Variants in SNED1 observed in about 807,000 individuals in gnomAD.
SNED1 encodes sushi, nidogen and EGF-like domain-containing protein 1.
In SNED1, 81 loss-of-function variants were observed where a neutral mutation model predicts 166.7. That is an observed-to-expected ratio of 0.49 (90% CI 0.41 to 0.58). The LOEUF is 0.58. SNED1 is among the 20% of genes least tolerant of loss of function. SNED1 has a pLI of 0.00. For synonymous variants in SNED1, 762 were observed against 822.0 expected (o/e 0.93, Z 1.25); for missense variants, 1,604 against 2,000.2 (o/e 0.80, Z 3.78).
Position 241,006,980 on chromosome 2 carries a change from G to A in SNED1, c.213+7930G>A, listed in dbSNP as rs79378001. The stretch of plus-strand genomic sequence containing the variant: ...CCCACTGGCAGTGTTTGGGACAATT[G>A]GAGCATTAAAACAAATAATGATAGG... On this transcript the variant is annotated intron_variant, in intron 1 of 31. Transcript: ENST00000310397. Among the ~76,000 whole-genome samples the A allele has an allele frequency of 1.2e-3, 180 of 152,270 alleles. 3 individuals carry two copies. In the East Asian group the frequency reaches 0.033, roughly 28 times the overall value.
chr2:241,049,045 A>G lies in SNED1; in HGVS notation c.1528A>G (p.Met510Val), dbSNP rs755275102. The G allele has an allele frequency of 3.1e-6, 5 of 1,613,384 alleles. No individual in the cohort carries two copies. The highest frequency in any genetic ancestry group is 1.7e-5 in the Admixed American group (1 of 59,950). Residue 510 changes from methionine to valine, a missense_variant, in exon 11 of 32, where the codon ATG becomes GTG. Physicochemically the swap from Met to Val is conservative, Grantham distance 21 (BLOSUM62 1). Coordinates refer to ENST00000310397, the MANE Select transcript of SNED1 (RefSeq NM_001080437.3). ...AGAAATCACAGCCATGCCCTGCAAC[A>G]TGAACACACAGTGCCCAGATGGGGG... ...EFEITAMPCN[M>V]NTQCPDGGYC...
rs767733347 is a variant in SNED1, at chr2:241,071,683, G to A, written c.3697G>A (p.Asp1233Asn). The change falls in exon 25 of 32, where the codon GAC becomes AAC. Residue 1233 changes from aspartate (D) to asparagine (N), a missense_variant. Physicochemically the swap from Asp to Asn is conservative, Grantham distance 23. Transcript: ENST00000310397. ...ARLPELRLLN[D>N]HSAPETPTQP... ...CCTGCCGGAGCTGCGCCTGCTCAATGACCACAGCGCCCCCGAGACCCCCAC... is the reference window on the plus strand; with the variant it reads ...CCTGCCGGAGCTGCGCCTGCTCAATAACCACAGCGCCCCCGAGACCCCCAC... 24 of 1,547,702 alleles carry A rather than the reference G, an allele frequency of 1.6e-5. No individual in the cohort carries two copies. Among genetic ancestry groups the A allele is most frequent in the Non-Finnish European group, 2.1e-5 (24 of 1,151,234 alleles).
intron 1 of SNED1, among the ~76,000 whole-genome samples, chr2:241,009,819 G>C (rs573774821): frequency 7.9e-6 from 1 of 125,858 alleles, no homozygotes; most frequent in Admixed American, 7.1e-5. Context: ...CCCCGGAGGC[G>C]TCCCATGTGT....
chr2:241,022,816 T>G (rs1299159572), intron 1 of SNED1, among the ~76,000 whole-genome samples: 1 of 152,216 alleles, frequency 6.6e-6, no homozygotes, highest in East Asian at 1.9e-4. Context: ...TCAAGAAAAT[T>G]TTCTATTTTA....
Position 241,037,257 on chromosome 2 carries a change from T to G in SNED1, c.949T>G (p.Ser317Ala). 1.2e-6 allele frequency: 2 copies of G among 1,610,572 alleles called. No homozygotes were observed. The highest frequency in any genetic ancestry group is 1.7e-6 in the Non-Finnish European group (2 of 1,178,760). The change falls in exon 6 of 32, where the codon TCC becomes GCC. Residue 317 changes from serine to alanine, a missense_variant. Physicochemically the swap from Ser to Ala is moderately conservative, Grantham distance 99 (BLOSUM62 1). Coordinates refer to ENST00000310397, the MANE Select transcript of SNED1 (RefSeq NM_001080437.3). ...RCHLDVNECASQPCQNGGTCT... is the reference protein window; with the variant it reads ...RCHLDVNECAAQPCQNGGTCT... ...TGTTTCAGACGTGAACGAATGTGCC[T>G]CCCAGCCCTGTCAGAATGGTGGGAC...
At chr2:241,076,735 G>C (rs1488443140) in intron 27 of SNED1, among the ~76,000 whole-genome samples, 1 of 151,848 alleles carries the variant, frequency 6.6e-6, no homozygotes, top group Non-Finnish European at 1.5e-5. Context: ...TTAGATCAGT[G>C]GAAAAGAACT....
intron 1 of SNED1, chr2:241,010,754 G>A (rs2060366703): frequency 6.6e-6 from 1 of 152,486 alleles, no homozygotes; most frequent in African/African-American, 2.4e-5. Flanking sequence ...GGCGGCCTGT[G>A]TGTGAGCCCC....
chr2:241,065,176 C>T (rs2062387432), intron 20 of SNED1, 123 bp from the exon 21 acceptor site: 1 of 1,034,296 alleles, frequency 9.7e-7, no homozygotes. Flanking sequence ...CAAAGAAGGA[C>T]TCTGCCAGCG....
chr2:241,037,338 C>T lies in SNED1; in HGVS notation c.1030C>T (p.Pro344Ser), dbSNP rs767242172. 29 of 1,607,650 alleles carry T rather than the reference C, an allele frequency of 1.8e-5. No individual in the cohort carries two copies. The highest frequency in any genetic ancestry group is 3.4e-5 in the Admixed American group (2 of 59,434). The change falls in exon 6 of 32, where the codon CCC (proline) becomes TCC (serine). Residue 344 changes from proline to serine, a missense_variant. Coordinates refer to ENST00000310397, the MANE Select transcript of SNED1 (RefSeq NM_001080437.3). ...CCAGTGCCCGGCTGGCTTTGGGGGA[C>T]CCACCTGTGAGACAGGTAAGAGGAA... ...RCQCPAGFGG[P>S]TCETAQSPCD...
At chr2:241,049,579 C>A (rs2061765471) in intron 11 of SNED1, among the ~76,000 whole-genome samples, 1 of 152,168 alleles carries the variant, frequency 6.6e-6, no homozygotes, top group South Asian at 2.1e-4. Context: ...ACAGCTCAGT[C>A]CTGCCTCGTA....
Position 241,093,166 on chromosome 2 carries a change from G to A in SNED1, c.*1530G>A, listed in dbSNP as rs906764389. On this transcript the variant is annotated 3_prime_UTR_variant, in exon 32 of 32. Coordinates refer to ENST00000310397, the MANE Select transcript of SNED1 (RefSeq NM_001080437.3). ...CTCCCGAGCTGTTCCCCAGGCTCCAGACCCACTTGAGAGCAGAAGGTGGAG... is the reference window on the plus strand; with the variant it reads ...CTCCCGAGCTGTTCCCCAGGCTCCAAACCCACTTGAGAGCAGAAGGTGGAG... 2 of 152,624 alleles carry A rather than the reference G, an allele frequency of 1.3e-5. No homozygotes were observed. Among genetic ancestry groups the A allele is most frequent in the Admixed American group, 1.3e-4 (2 of 15,284 alleles). The allele number at this position is 152,624 out of a possible 1,614,324, so 9.5% of individuals were successfully genotyped here.
In SNED1 at chr2:241,089,200, T is replaced by A. The variant is rs2063750179; in HGVS notation, c.*1+798T>A. ...GTTTCATACTGACCATCATTTTTTA[T>A]CAACATGTCACTGCATGAAAGATGA... On this transcript the variant is annotated intron_variant, in intron 31 of 31. Transcript: ENST00000310397. 2.5e-6 allele frequency: 3 copies of A among 1,217,126 alleles called. No individual in the cohort carries two copies. The South Asian group carries it at 4.8e-5, about 19-fold the overall frequency. 75.4% of individuals were successfully genotyped at this position (1,217,126 alleles called of 1,614,324 possible).
chr2:241,080,607 G>A (rs1452416084), intron 27 of SNED1, among the ~76,000 whole-genome samples: 1 of 152,246 alleles, frequency 6.6e-6, no homozygotes, highest in African/African-American at 2.4e-5. Context: ...CATGTCCTGA[G>A]GGCGGGGAGC....
chr2:241,022,748 T>C (rs2060809327), intron 1 of SNED1, among the ~76,000 whole-genome samples: 1 of 152,262 alleles, frequency 6.6e-6, no homozygotes, highest in South Asian at 2.1e-4. Context: ...TATTCTGTCA[T>C]GCTAACATTC....
Position 241,049,936 on chromosome 2 carries a change from A to G in SNED1, c.1735+3A>G. On this transcript the variant is annotated splice_donor_region_variant and intron_variant, in intron 12 of 31. Transcript: ENST00000310397. ...CCACGGCAAGCACTGCGAGAAAGGT[A>G]TGGCGGGCAGGGGCGTCCGGGCCGG... The G allele has an allele frequency of 6.2e-7, 1 of 1,611,908 alleles. No individual in the cohort carries two copies. The highest frequency in any genetic ancestry group is 8.5e-7 in the Non-Finnish European group (1 of 1,178,414).
Position 240,999,067 on chromosome 2 carries a change from C to A in SNED1, c.213+17C>A. ...GGACTCTACGTGAGTAACCCCCGGG[C>A]TCGCGGGGCGCCCGGGAGGGGAGGG... is the stretch of plus-strand genomic sequence containing the variant. On this transcript the variant is annotated intron_variant, in intron 1 of 31. Coordinates refer to ENST00000310397, the MANE Select transcript of SNED1 (RefSeq NM_001080437.3). The surrounding 1 kb of genome is among the most constrained non-coding windows in gnomAD (Gnocchi z 5.8). 3.9e-6 allele frequency: 5 copies of A among 1,267,272 alleles called. No individual in the cohort carries two copies. Among genetic ancestry groups the A allele is most frequent in the Non-Finnish European group, 5.0e-6 (5 of 1,000,588 alleles). The allele number at this position is 1,267,272 out of a possible 1,614,324, so 78.5% of individuals were successfully genotyped here.
intron 1 of SNED1, 132 bp from the exon 2 acceptor site, chr2:241,030,152 C>T (rs995527452): frequency 2.4e-6 from 2 of 849,996 alleles, no homozygotes; most frequent in African/African-American, 1.7e-5. Context: ...TGTCAGGCCA[C>T]CCTGGGGATA....
In SNED1 at chr2:241,013,053, C is replaced by G. The variant is rs1483769052; in HGVS notation, c.213+14003C>G. On this transcript the variant is annotated intron_variant, in intron 1 of 31. Coordinates refer to ENST00000310397, the MANE Select transcript of SNED1 (RefSeq NM_001080437.3). This position sits in a 1 kb window ranked among gnomAD's most constrained non-coding sequence, Gnocchi z 4.6. ...GTTTCACCATGTTAGCCAGGATGGT[C>G]TCGATCTCCTGACCTCGTGATCCGC... Among the ~76,000 whole-genome samples the G allele has an allele frequency of 1.3e-5, 2 of 152,106 alleles. No homozygotes were observed. The highest frequency in any genetic ancestry group is 2.4e-5 in the African/African-American group (1 of 41,422).
At chr2:241,061,976 T>G (rs1158987113) in intron 16 of SNED1, among the ~76,000 whole-genome samples, 1 of 152,152 alleles carries the variant, frequency 6.6e-6, no homozygotes, top group African/African-American at 2.4e-5. Flanking sequence ...TATTCAGCAG[T>G]GAAAATCTAT....
Sources: gnomAD v4.1 joint callset for allele counts (sites outside exome capture counted in the v4.1 genomes callset) on GRCh38, gnomAD v4.1.1 for gene constraint, Gnocchi (gnomAD v3.1) non-coding constraint, MANE v1.5 for transcripts, NCBI Gene and HGNC (gene_info 2026-07-23, HGNC 2026-07-21) for gene names.